The following JAK2 variants were observed in gnomAD, a reference collection of about 807,000 sequenced individuals.
The protein encoded by JAK2 is tyrosine-protein kinase JAK2.
In JAK2, 86 loss-of-function variants were observed where a neutral mutation model predicts 139.3. That is an observed-to-expected ratio of 0.62 (90% CI 0.52 to 0.74). The LOEUF (loss-of-function observed/expected upper bound fraction) is 0.74, where lower values mean the gene tolerates loss of function less well. Ranked by LOEUF, JAK2 falls within the 30% of genes least tolerant of loss-of-function variation. The probability of loss-of-function intolerance (pLI) is 0.00; values close to 1 mark genes in which losing one functional copy is unlikely to be tolerated. For synonymous variants in JAK2, 490 were observed against 437.7 expected (o/e 1.12, Z -1.49); for missense variants, 1,421 against 1,360.3 (o/e 1.04, Z -0.70).
chr9:5,031,125 T>G (rs1823119157), intron 4 of JAK2, among the ~76,000 whole-genome samples: 1 of 152,160 alleles, frequency 6.6e-6, no homozygotes, highest in Non-Finnish European at 1.5e-5. Flanking sequence ...GATGGAATAT[T>G]ACAAAGATCA....
intron 10 of JAK2, among the ~76,000 whole-genome samples, chr9:5,068,152 C>T (rs1014477599): frequency 2.6e-4 from 35 of 134,276 alleles, no homozygotes; most frequent in African/African-American, 9.1e-4. Flanking sequence ...GAGCGAGACA[C>T]GGTCTCAAAA....
chr9:5,122,366 T>C (rs1357798685), intron 22 of JAK2, among the ~76,000 whole-genome samples: 16 of 152,122 alleles, frequency 1.1e-4, no homozygotes, highest in African/African-American at 2.4e-5. Context: ...ACCCCTCTTC[T>C]GGTTAACAGG....
intron 16 of JAK2, 52 bp from the exon 17 acceptor site, chr9:5,080,177 A>T: frequency 7.6e-7 from 1 of 1,315,940 alleles, no homozygotes; most frequent in Non-Finnish European, 1.1e-6. Flanking sequence ...CATATAAAAG[A>T]TTGGTTTACT....
chr9:5,048,172 C>T (rs1226562816), intron 5 of JAK2, among the ~76,000 whole-genome samples: 3 of 151,818 alleles, frequency 2.0e-5, no homozygotes, highest in Non-Finnish European at 4.4e-5. Context: ...GATGGAGTCT[C>T]CCACTGTTGC....
chr9:4,999,114 C>T (rs890935365), intron 2 of JAK2, among the ~76,000 whole-genome samples: 2 of 152,146 alleles, frequency 1.3e-5, no homozygotes, highest in Admixed American at 6.5e-5. Flanking sequence ...CGTGAGCCAC[C>T]GCACCCGGGC....
intron 22 of JAK2, among the ~76,000 whole-genome samples, chr9:5,115,450 T>C (rs1467496983): frequency 6.6e-6 from 1 of 152,216 alleles, no homozygotes; most frequent in Non-Finnish European, 1.5e-5. Context: ...GGAATGCTTT[T>C]ACATTGTTGA....
chr9:4,989,324 G>A (rs1820122683), intron 2 of JAK2, among the ~76,000 whole-genome samples: 1 of 151,460 alleles, frequency 6.6e-6, no homozygotes, highest in Admixed American at 6.6e-5. Flanking sequence ...TAGCTCTTTA[G>A]TCTTAGAACA....
At chr9:5,060,045 A>C (rs1040501617) in intron 8 of JAK2, among the ~76,000 whole-genome samples, 3 of 152,172 alleles carry the variant, frequency 2.0e-5, no homozygotes, top group African/African-American at 7.2e-5. Flanking sequence ...GAGTCACATA[A>C]ATTTTTTGGT....
intron 2 of JAK2, among the ~76,000 whole-genome samples, chr9:5,021,434 T>C (rs560748826): frequency 1.5e-4 from 23 of 152,168 alleles, no homozygotes; most frequent in Non-Finnish European, 2.9e-4. Flanking sequence ...CTCAATTAGG[T>C]TGTTAACTGG....
intron 22 of JAK2, among the ~76,000 whole-genome samples, chr9:5,116,897 G>C (rs1823236198): frequency 6.6e-6 from 1 of 152,148 alleles, no homozygotes; most frequent in Admixed American, 6.5e-5. Flanking sequence ...AATAATTAAG[G>C]TACTGGGAAA....
intron 22 of JAK2, chr9:5,110,733 C>T (rs1822411868): frequency 5.5e-6 from 2 of 361,594 alleles, no homozygotes; most frequent in Non-Finnish European, 1.1e-5. Context: ...GCTATAGTAC[C>T]CGTGTTATTT....
At chr9:5,063,858 T>G (rs1818359949) in intron 8 of JAK2, among the ~76,000 whole-genome samples, 1 of 152,210 alleles carries the variant, frequency 6.6e-6, no homozygotes, top group Non-Finnish European at 1.5e-5. Context: ...TGTTCACATA[T>G]GTATTAAGAT....
At chr9:5,060,881 A>G (rs1245113921) in intron 8 of JAK2, among the ~76,000 whole-genome samples, 2 of 152,248 alleles carry the variant, frequency 1.3e-5, no homozygotes, top group East Asian at 1.9e-4. Flanking sequence ...TTCTTAGATA[A>G]TAAGACTTGA....
chr9:5,126,267 G>A (rs1823988939), intron 23 of JAK2, 66 bp from the exon 24 acceptor site: 2 of 1,157,186 alleles, frequency 1.7e-6, no homozygotes, highest in Non-Finnish European at 1.3e-6. Context: ...TTGACTGGAG[G>A]AAATTGAGAA....
intron 22 of JAK2, chr9:5,098,750 G>C (rs1250129130): frequency 1.3e-5 from 2 of 151,254 alleles, no homozygotes; most frequent in African/African-American, 2.4e-5. Context: ...CTGCAGTGCA[G>C]TGGTGTGATC....
At position 5,035,696 on chromosome 9, in the gene JAK2, A is replaced by G. The variant is rs1823534191; in HGVS notation, c.350+5790A>G. On this transcript the variant is annotated intron_variant, in intron 4 of 24. Coordinates refer to ENST00000381652, the MANE Select transcript of JAK2 (RefSeq NM_004972.4). ...AATTCAACAACCCTTCATGCTAAAAACTCTCAATAAATTAGGTATTGATGG... is the reference window on the plus strand; with the variant it reads ...AATTCAACAACCCTTCATGCTAAAAGCTCTCAATAAATTAGGTATTGATGG... 2.0e-5 allele frequency among the ~76,000 whole-genome samples: 3 copies of G among 152,054 alleles called. No homozygotes were observed. In the South Asian group the frequency reaches 6.2e-4, roughly 32 times the overall value.
At chr9:5,123,971 G>T (rs1359707259) in intron 23 of JAK2, among the ~76,000 whole-genome samples, 2 of 151,010 alleles carry the variant, frequency 1.3e-5, no homozygotes, top group Non-Finnish European at 3.0e-5. Flanking sequence ...TTAGTGATTA[G>T]CATTTTTTCA....
At chr9:5,092,780 A>C (rs1371210697) in intron 22 of JAK2, among the ~76,000 whole-genome samples, 1 of 152,224 alleles carries the variant, frequency 6.6e-6, no homozygotes, top group Non-Finnish European at 1.5e-5. Context: ...AGTAGTGGTG[A>C]TAAGCCTATC....
At chr9:5,062,976 CAT>C (rs1818292196) in intron 8 of JAK2, among the ~76,000 whole-genome samples, 1 of 152,042 alleles carries the variant, frequency 6.6e-6, no homozygotes, top group South Asian at 2.1e-4. Context: ...CTTTGTTATA[CAT>C]GTTTGTAATC....
Sources: gnomAD v4.1 joint callset for allele counts (sites outside exome capture counted in the v4.1 genomes callset) on GRCh38, gnomAD v4.1.1 for gene constraint, MANE v1.5 for transcripts, NCBI Gene and HGNC (gene_info 2026-07-23, HGNC 2026-07-21) for gene names.